The following ECD variants were observed in gnomAD, a reference collection of about 807,000 sequenced individuals.
The protein encoded by ECD is ecdysoneless cell cycle regulator.
ECD carries 59 observed loss-of-function variants against 77.2 expected under a neutral mutation model. The observed-to-expected ratio is 0.76, with a 90% CI of 0.62 to 0.95. The LOEUF is 0.95. Ranked by LOEUF, ECD falls within the 40% of genes least tolerant of loss-of-function variation. ECD has a pLI of 0.00. For missense variants in ECD, 704 were observed against 763.4 expected (o/e 0.92, Z 0.92); for synonymous variants, 233 against 267.4 (o/e 0.87, Z 1.26).
Position 73,134,648 on chromosome 10 carries a change from T to G in ECD, c.1870A>C (p.Ser624Arg). The G allele has an allele frequency of 1.2e-6, 2 of 1,614,232 alleles. No individual in the cohort carries two copies. Among genetic ancestry groups the G allele is most frequent in the Non-Finnish European group, 1.7e-6 (2 of 1,180,042 alleles). The change falls in exon 14 of 14, where the codon AGC (serine) becomes CGC (arginine). Residue 624 changes from serine to arginine, a missense_variant. Coordinates refer to ENST00000372979, the MANE Select transcript of ECD (RefSeq NM_007265.3). ...TTGTCAGGCAGCTGCACTCCCATGC[T>G]TTGTAAAAGATTGGAAGCAGGTCCT... Reference protein sequence around the residue: ...LAGPASNLLQSMGVQLPDNTD... With the variant: ...LAGPASNLLQRMGVQLPDNTD...
At chr10:73,153,677 G>A (rs532063458) in intron 6 of ECD, among the ~76,000 whole-genome samples, 72 of 133,742 alleles carry the variant, frequency 5.4e-4, no homozygotes, top group African/African-American at 2.0e-3. Context: ...AGTGAGCTGA[G>A]ATGGCTCCAC....
intron 5 of ECD, 65 bp downstream of exon 5, chr10:73,156,210 G>GA: frequency 1.4e-6 from 2 of 1,432,010 alleles, no homozygotes; most frequent in Non-Finnish European, 1.9e-6. Context: ...AAAAATCAAA[G>GA]AAAGACTGAA....
intron 3 of ECD, 135 bp from the exon 4 acceptor site, chr10:73,156,790 G>A (rs1843302731): frequency 2.8e-6 from 2 of 722,368 alleles, no homozygotes; most frequent in Admixed American, 2.8e-5. Flanking sequence ...ATGGCTATAA[G>A]AAAGCAAAAT....
intron 3 of ECD, 41 bp downstream of exon 3, chr10:73,160,393 G>A: frequency 1.5e-6 from 2 of 1,341,092 alleles, no homozygotes; most frequent in Non-Finnish European, 1.0e-6. Context: ...CTTTGTTTCA[G>A]TAATAGAATT....
chr10:73,154,297 CACG>C lies in ECD; in HGVS notation c.739_741del (p.Arg247del). ...GTTTCAGGCAAGAATGTCTTGAAAACACGACAAGCTCGCAGGTCAATAGGGTCT... is the reference window on the plus strand; with the variant it reads ...GTTTCAGGCAAGAATGTCTTGAAAACACAAGCTCGCAGGTCAATAGGGTCT... On this transcript the variant is annotated inframe_deletion, in exon 6 of 14. Transcript: ENST00000372979. 6.2e-7 allele frequency: 1 copy of C among 1,611,714 alleles called. No homozygotes were observed. Among genetic ancestry groups the C allele is most frequent in the Non-Finnish European group, 8.5e-7 (1 of 1,179,212 alleles).
chr10:73,155,600 T>A (rs912510172), intron 5 of ECD, among the ~76,000 whole-genome samples: 6 of 147,594 alleles, frequency 4.1e-5, no homozygotes, highest in African/African-American at 1.5e-4. Context: ...TCTACTTTTT[T>A]TTTTTTTTTT....
chr10:73,154,364 G>A lies in ECD; in HGVS notation c.675C>T (p.Pro225=), dbSNP rs754427196. 1.9e-6 allele frequency: 3 copies of A among 1,614,098 alleles called. No homozygotes were observed. The highest frequency in any genetic ancestry group is 2.5e-6 in the Non-Finnish European group (3 of 1,180,036). Residue 225 remains proline (P), a synonymous_variant, in exon 6 of 14, where the codon CCC becomes CCT. Coordinates refer to ENST00000372979, the MANE Select transcript of ECD (RefSeq NM_007265.3). Reference sequence around the variant, plus strand: ...CCTGGACTGCTGCAGCCACCAATCTGGGGCGCTGCTTTAGCACTGCCACAA... The same window carrying A: ...CCTGGACTGCTGCAGCCACCAATCTAGGGCGCTGCTTTAGCACTGCCACAA... The part of the protein sequence containing the change: ...AGIVAVLKQR[P]RLVAAAVQAF...
Position 73,154,452 on chromosome 10 carries a change from G to A in ECD, c.591-4C>T, listed in dbSNP as rs1160167248. 3 of 1,601,506 alleles carry A rather than the reference G, an allele frequency of 1.9e-6. No individual in the cohort carries two copies. The highest frequency in any genetic ancestry group is 1.3e-5 in the African/African-American group (1 of 74,420). Reference sequence around the variant, plus strand: ...GGCCTGAATTTTTTCTGGGTACCTGGGACAGGTAACATAATTACTTTCATT... The same window carrying A: ...GGCCTGAATTTTTTCTGGGTACCTGAGACAGGTAACATAATTACTTTCATT... On this transcript the variant is annotated splice_region_variant and splice_polypyrimidine_tract_variant and intron_variant, in intron 5 of 13. Coordinates refer to ENST00000372979, the MANE Select transcript of ECD (RefSeq NM_007265.3).
chr10:73,139,872 G>C, intron 9 of ECD, 135 bp from the exon 10 acceptor site: 1 of 585,106 alleles, frequency 1.7e-6, no homozygotes, highest in East Asian at 3.2e-5. Context: ...TTTTTTAAGA[G>C]ATGGGGTTTC....
rs111481351 is a variant in ECD at position 73,137,770 on chromosome 10, T to C, written c.1489+233A>G. 1.2e-3 allele frequency among the ~76,000 whole-genome samples: 175 copies of C among 141,722 alleles called. 1 individual carries two copies. The highest frequency in any genetic ancestry group is 4.5e-3 in the African/African-American group (160 of 35,756). 93.0% of individuals were successfully genotyped at this position (141,722 alleles called of 152,430 possible). A position where few individuals can be genotyped will look rare whatever the true frequency, so the allele number is the denominator to read the frequency against. ...CAGCCTGGGCAACAGAGCGAGACAC[T>C]GTCTCAAAAAAAAAAAAAAAAAATT... is the stretch of plus-strand genomic sequence containing the variant. On this transcript the variant is annotated intron_variant, in intron 12 of 13. Transcript: ENST00000372979.
chr10:73,148,514 T>G, intron 7 of ECD, 110 bp from the exon 8 acceptor site: 1 of 1,176,768 alleles, frequency 8.5e-7, no homozygotes, highest in Non-Finnish European at 1.2e-6. Context: ...GATGACTGGA[T>G]ACATGGGCAT....
chr10:73,167,732 C>T (rs1257521495), intron 1 of ECD, 134 bp downstream of exon 1: 1 of 153,108 alleles, frequency 6.5e-6, no homozygotes, highest in Non-Finnish European at 1.5e-5. Context: ...TAATACCTCA[C>T]TGTACATATG....
rs1423756403 is a variant in ECD, at chr10:73,167,947, T to C, written c.-95A>G. 3.1e-5 allele frequency: 7 copies of C among 224,384 alleles called. No homozygotes were observed. The allele number at this position is 224,384 out of a possible 1,614,324, so 13.9% of individuals were successfully genotyped here. On this transcript the variant is annotated 5_prime_UTR_variant, in exon 1 of 14. Transcript: ENST00000372979. The stretch of plus-strand genomic sequence containing the variant: ...CCGACTGCGAGAGCTGATCGAGAGC[T>C]GCCACCGGCCGCCGAAGCCTGGATC...
At position 73,164,033 on chromosome 10, in the gene ECD, C is replaced by A. The variant is rs11000536; in HGVS notation, c.-13-83G>T. On this transcript the variant is annotated intron_variant, in intron 1 of 13. Coordinates refer to ENST00000372979, the MANE Select transcript of ECD (RefSeq NM_007265.3). ...ACTCTTTTAGATGGTTCTATGAACA[C>A]TGTTTTCTAAAATTTAGTTAGGCCG... 11 of 1,257,976 alleles carry A rather than the reference C, an allele frequency of 8.7e-6. No individual in the cohort carries two copies. The East Asian group carries it at 2.6e-4, about 30-fold the overall frequency. 77.9% of individuals were successfully genotyped at this position (1,257,976 alleles called of 1,614,324 possible).
Position 73,138,020 on chromosome 10 carries a change from T to C in ECD, c.1472A>G (p.Tyr491Cys), listed in dbSNP as rs370369866. The C allele has an allele frequency of 6.9e-6, 11 of 1,596,776 alleles. No homozygotes were observed. The African/African-American group carries it at 1.4e-4, about 20-fold the overall frequency. Reference protein sequence around the residue: ...ITFDADSFLNYFDKILGPRPN... With the variant: ...ITFDADSFLNCFDKILGPRPN... ...CTACTTACCTAAAATCTTATCAAAA[T>C]AATTAAGAAAAGAATCTGCATCAAA... is the stretch of plus-strand genomic sequence containing the variant. Residue 491 changes from tyrosine to cysteine, a missense_variant, in exon 12 of 14, where the codon TAT becomes TGT. By Grantham distance (194) the Tyr-to-Cys change is radical. Around this residue, in one of 3 missense-constraint regions of ECD, gnomAD observed 559 missense variants for 583.7 expected, o/e 0.96. Transcript: ENST00000372979.
chr10:73,141,380 T>C (rs11000525), intron 9 of ECD: 23,025 of 156,958 alleles, frequency 0.15, 2,916 homozygotes, highest in African/African-American at 0.33. Flanking sequence ...GGCGTGGTGG[T>C]GGGTACCTGT....
chr10:73,155,075 A>C (rs1437196442), intron 5 of ECD, among the ~76,000 whole-genome samples: 1 of 152,138 alleles, frequency 6.6e-6, no homozygotes, highest in Non-Finnish European at 1.5e-5. Flanking sequence ...TTTGAGACGG[A>C]GTCTCGCTCT....
chr10:73,143,711 A>G (rs921576472), intron 9 of ECD, among the ~76,000 whole-genome samples: 16 of 151,968 alleles, frequency 1.1e-4, no homozygotes, highest in Admixed American at 9.2e-4. Flanking sequence ...TCTATGTTAA[A>G]TGTATAATTA....
chr10:73,134,529 A>G lies in ECD; in HGVS notation c.*54T>C. On this transcript the variant is annotated 3_prime_UTR_variant, in exon 14 of 14. Transcript: ENST00000372979. ...TGAGTAATCTAAACTAGAAATGAAC[A>G]GAATCATATTCAATATTTATTTAAA... 1 of 1,452,438 alleles carries G rather than the reference A, an allele frequency of 6.9e-7. No homozygotes were observed. Among genetic ancestry groups the G allele is most frequent in the Non-Finnish European group, 9.4e-7 (1 of 1,059,698 alleles). 90.0% of individuals were successfully genotyped at this position (1,452,438 alleles called of 1,614,324 possible). A position where few individuals can be genotyped will look rare whatever the true frequency, so the allele number is the denominator to read the frequency against.
Sources: allele counts gnomAD v4.1 joint callset (sites outside exome capture counted in the v4.1 genomes callset), GRCh38; gene constraint gnomAD v4.1.1; regional missense constraint gnomAD v4.1.1; transcripts MANE v1.5; gene names NCBI Gene and HGNC (gene_info 2026-07-23, HGNC 2026-07-21).